Variants in HIF3A observed in about 807,000 individuals in gnomAD.
The protein encoded by HIF3A is hypoxia-inducible factor 3-alpha.
HIF3A carries 41 observed loss-of-function variants against 67.2 expected under a neutral mutation model. The ratio of observed to expected loss-of-function variants is 0.61; its 90% CI spans 0.48 to 0.79. HIF3A has a LOEUF of 0.79. Ranked by LOEUF, HIF3A falls within the 30% of genes least tolerant of loss-of-function variation. The pLI, the probability that HIF3A is intolerant of heterozygous loss-of-function variation, is 0.00. For synonymous variants in HIF3A, 356 were observed against 374.8 expected (o/e 0.95, Z 0.58); for missense variants, 855 against 898.0 (o/e 0.95, Z 0.61).
intron 14 of HIF3A, among the ~76,000 whole-genome samples, chr19:46,335,973 C>T (rs1023210608): frequency 5.9e-5 from 9 of 151,514 alleles, no homozygotes; most frequent in Non-Finnish European, 8.8e-5. Context: ...CCCAGGAGTT[C>T]GAGGCTGCAG....
rs1970282960 is a variant in HIF3A, at chr19:46,320,539, C to T, written c.1122C>T (p.Thr374=). The change falls in exon 9 of 15, where the codon ACC becomes ACT. Residue 374 remains threonine (T), a synonymous_variant. Transcript: ENST00000377670. ...IQRGAPSQKD[T]PNPGDSLDTP... ...GGGGCGCCCCCTCTCAGAAGGACAC[C>T]CCTAACCCTGGGGACAGCCTTGGTA... 1.2e-6 allele frequency: 2 copies of T among 1,614,010 alleles called. No individual in the cohort carries two copies. The highest frequency in any genetic ancestry group is 4.5e-5 in the East Asian group (2 of 44,868).
intron 2 of HIF3A, among the ~76,000 whole-genome samples, chr19:46,304,438 A>G (rs1968646840): frequency 6.6e-6 from 1 of 152,168 alleles, no homozygotes; most frequent in Non-Finnish European, 1.5e-5. Context: ...CCAGATGGAT[A>G]GGCCCTGGTC....
intron 10 of HIF3A, among the ~76,000 whole-genome samples, chr19:46,324,945 T>TATATATATATATACACATATATATATAC (rs1970654057): frequency 1.5e-5 from 2 of 130,326 alleles, no homozygotes; most frequent in East Asian, 2.1e-4. Context: ...TATATATACA[T>TATATATATATATACACATATATATATAC]ATATATATAT....
intron 14 of HIF3A, among the ~76,000 whole-genome samples, chr19:46,335,789 G>A (rs1434131981): frequency 1.3e-5 from 2 of 152,038 alleles, no homozygotes; most frequent in Non-Finnish European, 2.9e-5. Context: ...TGTAATCACA[G>A]TGTTTTGGGA....
intron 1 of HIF3A, among the ~76,000 whole-genome samples, chr19:46,301,344 C>A (rs1278574033): frequency 6.6e-6 from 1 of 152,176 alleles, no homozygotes; most frequent in Non-Finnish European, 1.5e-5. Context: ...TAAGAAGGGA[C>A]AGTGTCCCCT....
At chr19:46,303,751 C>T in intron 1 of HIF3A, 147 bp from the exon 2 acceptor site, 2 of 1,514,378 alleles carry the variant, frequency 1.3e-6, no homozygotes, top group African/African-American at 2.7e-5. Flanking sequence ...GCGCCGCGAA[C>T]TCGACAGGGC....
chr19:46,298,923 A>G (rs760033638), intron 1 of HIF3A, among the ~76,000 whole-genome samples: 48 of 152,072 alleles, frequency 3.2e-4, no homozygotes, highest in Middle Eastern at 3.2e-3. Context: ...GTCAGAATAG[A>G]AAAGCCCAGA....
intron 2 of HIF3A, among the ~76,000 whole-genome samples, chr19:46,304,780 C>T (rs1016983690): frequency 6.6e-6 from 1 of 152,082 alleles, no homozygotes; most frequent in Non-Finnish European, 1.5e-5. Flanking sequence ...GCTTTACCCC[C>T]TTAGAAGTCT....
At chr19:46,320,694 C>G in intron 9 of HIF3A, 133 bp downstream of exon 9, 1 of 649,596 alleles carries the variant, frequency 1.5e-6, no homozygotes, top group African/African-American at 1.8e-5. Context: ...ACTCAGCCTC[C>G]AAAACACACA....
chr19:46,320,343 G>T, intron 8 of HIF3A, 100 bp from the exon 9 acceptor site: 1 of 831,482 alleles, frequency 1.2e-6, no homozygotes, highest in Non-Finnish European at 2.0e-6. Flanking sequence ...GCCCCTGGGC[G>T]CCATTGCCTT....
At chr19:46,302,851 G>C (rs537487145) in intron 1 of HIF3A, among the ~76,000 whole-genome samples, 2 of 152,330 alleles carry the variant, frequency 1.3e-5, no homozygotes, top group Admixed American at 6.5e-5. Flanking sequence ...TCCAGCCTGG[G>C]CAACAGAGCG....
At chr19:46,307,978 A>G (rs1235374285) in intron 3 of HIF3A, among the ~76,000 whole-genome samples, 3 of 54,922 alleles carry the variant, frequency 5.5e-5, no homozygotes, top group Non-Finnish European at 1.6e-4. Flanking sequence ...AGACAGACAG[A>G]CAGACAGACA....
intron 8 of HIF3A, chr19:46,313,327 CT>C: frequency 1.0e-6 from 1 of 982,738 alleles, no homozygotes; most frequent in Non-Finnish European, 1.2e-6. Flanking sequence ...ATCATGGGGT[CT>C]TTTTTGCTTT....
At position 46,320,438 on chromosome 19, in the gene HIF3A, C is replaced by T; in HGVS notation, c.1026-5C>T. Reference sequence around the variant, plus strand: ...TCCCACCTCCCTTTCTGCCTTGTACCCCAGCCAGGTGGAAGAGACCGGAGT... The same window carrying T: ...TCCCACCTCCCTTTCTGCCTTGTACTCCAGCCAGGTGGAAGAGACCGGAGT... On this transcript the variant is annotated splice_region_variant and splice_polypyrimidine_tract_variant and intron_variant, in intron 8 of 14. Transcript: ENST00000377670. 6.2e-7 allele frequency: 1 copy of T among 1,611,032 alleles called. No homozygotes were observed. The highest frequency in any genetic ancestry group is 2.2e-5 in the East Asian group (1 of 44,838).
intron 8 of HIF3A, among the ~76,000 whole-genome samples, chr19:46,317,531 C>A (rs1054458977): frequency 6.6e-6 from 1 of 152,088 alleles, no homozygotes; most frequent in Non-Finnish European, 1.5e-5. Flanking sequence ...CAGGCAGTTC[C>A]TCCTTCCCAG....
chr19:46,298,209 C>CCCCCCTCCCCT, intron 1 of HIF3A: 1 of 334,536 alleles, frequency 3.0e-6, no homozygotes, highest in Non-Finnish European at 6.0e-6. Context: ...TTTCTAACCG[C>CCCCCCTCCCCT]CCCCATCCTC....
At chr19:46,304,190 A>G in intron 2 of HIF3A, 102 bp downstream of exon 2, 1 of 1,037,060 alleles carries the variant, frequency 9.6e-7, no homozygotes. Context: ...TATTCTGACA[A>G]AGCCCCGCCC....
In HIF3A at chr19:46,340,374, A is replaced by G. The variant is rs1971892128; in HGVS notation, c.*752A>G. 1 of 152,650 alleles carries G rather than the reference A, an allele frequency of 6.6e-6. No individual in the cohort carries two copies. The highest frequency in any genetic ancestry group is 2.4e-5 in the African/African-American group (1 of 41,470). The allele number at this position is 152,650 out of a possible 1,614,324, so 9.5% of individuals were successfully genotyped here. A position where few individuals can be genotyped will look rare whatever the true frequency, so the allele number is the denominator to read the frequency against. ...AACTATGCAACCTCCAACCTGCTCCAGTTCCAGACTGTATAACCTCTGACC... is the reference window on the plus strand; with the variant it reads ...AACTATGCAACCTCCAACCTGCTCCGGTTCCAGACTGTATAACCTCTGACC... On this transcript the variant is annotated 3_prime_UTR_variant, in exon 15 of 15. Transcript: ENST00000377670.
chr19:46,304,861 C>T (rs978374452), intron 2 of HIF3A, among the ~76,000 whole-genome samples: 1 of 152,044 alleles, frequency 6.6e-6, no homozygotes, highest in South Asian at 2.1e-4. Flanking sequence ...GAGTTTGAAC[C>T]CCTTCGAGGC....
Sources: gnomAD v4.1 joint callset for allele counts (sites outside exome capture counted in the v4.1 genomes callset) on GRCh38, gnomAD v4.1.1 for gene constraint, MANE v1.5 for transcripts, NCBI Gene and HGNC (gene_info 2026-07-23, HGNC 2026-07-21) for gene names.